The following SGIP1 variants were observed in gnomAD, a reference collection of about 807,000 sequenced individuals.
The protein encoded by SGIP1 is SH3GL interacting endocytic adaptor 1.
A neutral mutation model predicts 107.5 loss-of-function variants in SGIP1; 38 were observed. The ratio of observed to expected loss-of-function variants is 0.35; its 90% CI spans 0.27 to 0.46. The LOEUF is 0.46. Among genes scored for constraint, SGIP1 ranks in the 20% least tolerant of loss-of-function variants. SGIP1 has a pLI of 1.00. For synonymous variants in SGIP1, 365 were observed against 366.1 expected, an observed-to-expected ratio of 1.00 and a Z score of 0.03; for missense variants, 929 against 1,019.5, an observed-to-expected ratio of 0.91 and a Z score of 1.21.
In SGIP1 at chr1:66,688,318, G is replaced by A. The variant is rs551973777; in HGVS notation, c.1316-830G>A. On this transcript the variant is annotated intron_variant, in intron 15 of 24. Coordinates refer to ENST00000371037, the MANE Select transcript of SGIP1 (RefSeq NM_032291.4). ...GTTTCCTTGTGTATCTCAGACATAT[G>A]ACTGAAGTTAGGCAGATGCCTGAAT... Among the ~76,000 whole-genome samples the A allele has an allele frequency of 4.6e-5, 7 of 152,328 alleles. 1 individual carries two copies. In the East Asian group the frequency reaches 1.4e-3, roughly 29 times the overall value.
At chr1:66,565,650 T>A (rs2059538988) in intron 1 of SGIP1, among the ~76,000 whole-genome samples, 1 of 151,906 alleles carries the variant, frequency 6.6e-6, no homozygotes, top group Non-Finnish European at 1.5e-5. Context: ...CTTTCTGAAA[T>A]TTGGGCTTAG....
chr1:66,654,536 C>G (rs1362402145), intron 7 of SGIP1, among the ~76,000 whole-genome samples: 2 of 151,010 alleles, frequency 1.3e-5, no homozygotes, highest in Admixed American at 1.3e-4. Flanking sequence ...ATAAGCATAA[C>G]AGTATAAGAA....
At chr1:66,645,654 A>G (rs749568785) in intron 7 of SGIP1, among the ~76,000 whole-genome samples, 1 of 152,078 alleles carries the variant, frequency 6.6e-6, no homozygotes, top group Non-Finnish European at 1.5e-5. Context: ...ATTCCTAAAT[A>G]TTTATAATTT....
At chr1:66,536,764 G>A (rs2053705147) in intron 1 of SGIP1, among the ~76,000 whole-genome samples, 1 of 147,510 alleles carries the variant, frequency 6.8e-6, no homozygotes, top group Non-Finnish European at 1.5e-5. Context: ...CTGAACTAGT[G>A]TGTCTCACAC....
At chr1:66,683,614 A>G (rs927612087) in intron 15 of SGIP1, among the ~76,000 whole-genome samples, 2 of 151,522 alleles carry the variant, frequency 1.3e-5, no homozygotes, top group Non-Finnish European at 2.9e-5. Flanking sequence ...TATTTTTACC[A>G]TAAGACCTTT....
chr1:66,545,946 A>G (rs1206905785), intron 1 of SGIP1, among the ~76,000 whole-genome samples: 1 of 152,196 alleles, frequency 6.6e-6, no homozygotes, highest in Non-Finnish European at 1.5e-5. Flanking sequence ...TACTCACTTT[A>G]GGATTCCCAA....
chr1:66,687,972 A>T (rs914190557), intron 15 of SGIP1, among the ~76,000 whole-genome samples: 1 of 152,360 alleles, frequency 6.6e-6, no homozygotes, highest in Non-Finnish European at 1.5e-5. Context: ...CCTAAAACAC[A>T]GCAGATTTCT....
At chr1:66,554,632 G>T (rs1400314317) in intron 1 of SGIP1, among the ~76,000 whole-genome samples, 1 of 152,022 alleles carries the variant, frequency 6.6e-6, no homozygotes, top group Non-Finnish European at 1.5e-5. Context: ...TTACCTTCAG[G>T]CTATGTTTAT....
intron 3 of SGIP1, chr1:66,634,206 C>A (rs1160730159): frequency 2.0e-6 from 3 of 1,535,200 alleles, no homozygotes; most frequent in African/African-American, 1.4e-5. Context: ...CCGGCTTGGT[C>A]CCCTCCCTGG....
At chr1:66,655,264 C>T (rs1451086783) in intron 7 of SGIP1, among the ~76,000 whole-genome samples, 1 of 152,002 alleles carries the variant, frequency 6.6e-6, no homozygotes, top group Non-Finnish European at 1.5e-5. Flanking sequence ...TCCACTACTC[C>T]CTGGCTCCCT....
chr1:66,643,397 A>G, intron 6 of SGIP1, 147 bp from the exon 7 acceptor site: 1 of 585,564 alleles, frequency 1.7e-6, no homozygotes. Context: ...ATAAATTCTA[A>G]CCCCTTCCTC....
chr1:66,740,231 T>C lies in SGIP1; in HGVS notation c.2235-427T>C, dbSNP rs1182491425. 3.3e-5 allele frequency among the ~76,000 whole-genome samples: 5 copies of C among 152,332 alleles called. No individual in the cohort carries two copies. The East Asian group carries it at 9.6e-4, about 29-fold the overall frequency. On this transcript the variant is annotated intron_variant, in intron 22 of 24. Transcript: ENST00000371037. The stretch of plus-strand genomic sequence containing the variant: ...TACATTGTGCCTATATCATCTATTA[T>C]AAAGGACTTGTTCTAGAAAGAGCAT...
chr1:66,723,866 A>G (rs2093646154), intron 19 of SGIP1, among the ~76,000 whole-genome samples: 1 of 152,234 alleles, frequency 6.6e-6, no homozygotes, highest in South Asian at 2.1e-4. Context: ...AAACTGCAAC[A>G]TAATTTCCTA....
At chr1:66,596,023 T>G (rs930396393) in intron 1 of SGIP1, among the ~76,000 whole-genome samples, 2 of 152,250 alleles carry the variant, frequency 1.3e-5, no homozygotes, top group African/African-American at 4.8e-5. Flanking sequence ...AGAATCTACA[T>G]GTGTTATAAA....
At chr1:66,538,783 T>C (rs2054205606) in intron 1 of SGIP1, among the ~76,000 whole-genome samples, 1 of 152,206 alleles carries the variant, frequency 6.6e-6, no homozygotes, top group African/African-American at 2.4e-5. Context: ...AAGAACAGTA[T>C]GGTTCCCATA....
At chr1:66,628,455 C>T (rs1279485806) in intron 2 of SGIP1, 3 of 154,838 alleles carry the variant, frequency 1.9e-5, no homozygotes, top group Non-Finnish European at 4.4e-5. Flanking sequence ...AAGGGCCAGA[C>T]ACTATACGAG....
At chr1:66,615,221 G>A (rs909028278) in intron 1 of SGIP1, among the ~76,000 whole-genome samples, 3 of 152,032 alleles carry the variant, frequency 2.0e-5, no homozygotes, top group African/African-American at 7.2e-5. Flanking sequence ...TGCAACCTCT[G>A]TCTCCCAGTT....
chr1:66,556,078 T>C (rs2058131505), intron 1 of SGIP1, among the ~76,000 whole-genome samples: 1 of 152,136 alleles, frequency 6.6e-6, no homozygotes, highest in Non-Finnish European at 1.5e-5. Flanking sequence ...ATGCCAAGAC[T>C]AAAACAAACA....
At chr1:66,679,863 T>C in intron 14 of SGIP1, 111 bp downstream of exon 14, 1 of 990,748 alleles carries the variant, frequency 1.0e-6, no homozygotes, top group Non-Finnish European at 1.4e-6. Flanking sequence ...AACATCACAA[T>C]GTTGGCATTC....
Sources: allele counts gnomAD v4.1 joint callset (sites outside exome capture counted in the v4.1 genomes callset), GRCh38; gene constraint gnomAD v4.1.1; transcripts MANE v1.5; gene names NCBI Gene and HGNC (gene_info 2026-07-23, HGNC 2026-07-21).